The following SH3BGRL2 variants were observed in gnomAD, a reference collection of about 807,000 sequenced individuals.
SH3BGRL2 encodes SH3 domain-binding glutamic acid-rich-like protein 2.
A neutral mutation model predicts 14.8 loss-of-function variants in SH3BGRL2; 21 were observed. The ratio of observed to expected loss-of-function variants is 1.42; its 90% CI spans 1.01 to 2.05. SH3BGRL2 has a LOEUF of 2.05. SH3BGRL2 is among the 30% of genes most tolerant of loss of function. SH3BGRL2 has a pLI of 0.00. For synonymous variants in SH3BGRL2, 50 were observed against 47.8 expected (o/e 1.05, Z -0.19); for missense variants, 147 against 130.8 (o/e 1.12, Z -0.61).
the SH3BGRL2 span, among the ~76,000 whole-genome samples, chr6:79,609,872 C>A: frequency 6.6e-6 from 1 of 152,122 alleles, no homozygotes; most frequent in Non-Finnish European, 1.5e-5. Context: ...TTTAACTGAC[C>A]AAAGAAGGCA....
the SH3BGRL2 span, among the ~76,000 whole-genome samples, chr6:79,609,710 T>A: frequency 6.6e-6 from 1 of 152,336 alleles, no homozygotes; most frequent in South Asian, 2.1e-4. Context: ...AATACATAGC[T>A]ATATTCCCAT....
chr6:79,553,709 C>T, the SH3BGRL2 span, among the ~76,000 whole-genome samples: 2 of 152,180 alleles, frequency 1.3e-5, no homozygotes, highest in Admixed American at 6.5e-5. Flanking sequence ...TGGTGGCTCA[C>T]GCCTGTAATC....
intron 1 of SH3BGRL2, among the ~76,000 whole-genome samples, chr6:79,639,984 C>A (rs116396400): frequency 0.017 from 2,585 of 152,270 alleles, 69 homozygotes; most frequent in African/African-American, 0.059. Flanking sequence ...GGGGACTCTT[C>A]TACTTCAGGT....
chr6:79,675,512 G>A (rs928833303), intron 2 of SH3BGRL2, among the ~76,000 whole-genome samples: 1 of 151,994 alleles, frequency 6.6e-6, no homozygotes, highest in Non-Finnish European at 1.5e-5. Flanking sequence ...CTGATTACAT[G>A]TGTTCTTATA....
the SH3BGRL2 span, among the ~76,000 whole-genome samples, chr6:79,576,795 T>C: frequency 7.1e-4 from 108 of 152,292 alleles, 2 homozygotes; most frequent in East Asian, 0.014. Context: ...TCTAAGGCAT[T>C]CCCCACCCCA....
chr6:79,679,891 T>C lies in SH3BGRL2; in HGVS notation c.231+6092T>C, dbSNP rs148350724. On this transcript the variant is annotated intron_variant, in intron 2 of 3. Coordinates refer to ENST00000369838, the MANE Select transcript of SH3BGRL2 (RefSeq NM_031469.4). Reference sequence around the variant, plus strand: ...CATTTGTATATTATCTTGGAAGACGTATCTATTCAGGTTCTTTGCCCATTT... The same window carrying C: ...CATTTGTATATTATCTTGGAAGACGCATCTATTCAGGTTCTTTGCCCATTT... 7.9e-5 allele frequency among the ~76,000 whole-genome samples: 12 copies of C among 152,328 alleles called. No individual in the cohort carries two copies. In the East Asian group the frequency reaches 1.9e-3, roughly 24 times the overall value.
At chr6:79,605,361 G>GA in the SH3BGRL2 span, among the ~76,000 whole-genome samples, 1 of 151,886 alleles carries the variant, frequency 6.6e-6, no homozygotes, top group Non-Finnish European at 1.5e-5. Flanking sequence ...CAATTGTGAG[G>GA]AAAAAAAATT....
Position 79,699,900 on chromosome 6 carries a change from G to A in SH3BGRL2, c.*391G>A, listed in dbSNP as rs148566465. On this transcript the variant is annotated 3_prime_UTR_variant, in exon 4 of 4. Coordinates refer to ENST00000369838, the MANE Select transcript of SH3BGRL2 (RefSeq NM_031469.4). Reference sequence around the variant, plus strand: ...CACTTCTCTTTAAGCTGCCTGGATTGCACCTTTGAAATATGTCTGCCAAGT... The same window carrying A: ...CACTTCTCTTTAAGCTGCCTGGATTACACCTTTGAAATATGTCTGCCAAGT... The A allele has an allele frequency of 5.6e-4, 119 of 210,986 alleles. No individual in the cohort carries two copies. The highest frequency in any genetic ancestry group is 2.6e-3 in the African/African-American group (115 of 43,970). 13.1% of individuals were successfully genotyped at this position (210,986 alleles called of 1,614,324 possible). A position where few individuals can be genotyped will look rare whatever the true frequency, so the allele number is the denominator to read the frequency against.
intron 2 of SH3BGRL2, among the ~76,000 whole-genome samples, chr6:79,674,832 C>A (rs1456619805): frequency 6.6e-6 from 1 of 152,176 alleles, no homozygotes; most frequent in Non-Finnish European, 1.5e-5. Flanking sequence ...TCGGCTGGGA[C>A]ACCTTTGGAA....
the SH3BGRL2 span, chr6:79,553,050 C>G: frequency 6.6e-6 from 1 of 152,124 alleles, no homozygotes; most frequent in South Asian, 2.1e-4. Flanking sequence ...AGTCCATCTC[C>G]CAAAGAGTAT....
the SH3BGRL2 span, among the ~76,000 whole-genome samples, chr6:79,563,359 G>A: frequency 1.3e-5 from 2 of 151,728 alleles, no homozygotes; most frequent in African/African-American, 4.8e-5. Context: ...TAACCCCCCC[G>A]CCTCGGCCTC....
chr6:79,572,038 C>T, the SH3BGRL2 span, among the ~76,000 whole-genome samples: 1 of 152,172 alleles, frequency 6.6e-6, no homozygotes, highest in Non-Finnish European at 1.5e-5. Context: ...TTTGTCCATA[C>T]TAAGAAATTC....
At chr6:79,682,219 G>C (rs1770001808) in intron 2 of SH3BGRL2, among the ~76,000 whole-genome samples, 1 of 151,990 alleles carries the variant, frequency 6.6e-6, no homozygotes, top group Non-Finnish European at 1.5e-5. Flanking sequence ...ATGAGAATGG[G>C]AAAAAGGGGG....
the SH3BGRL2 span, among the ~76,000 whole-genome samples, chr6:79,551,383 C>G: frequency 6.6e-6 from 1 of 152,294 alleles, no homozygotes; most frequent in Admixed American, 6.5e-5. Flanking sequence ...GTCAAGACTT[C>G]ACTTCTTAAA....
chr6:79,631,083 A>G (rs749500264), upstream of SH3BGRL2, among the ~76,000 whole-genome samples: 1 of 152,176 alleles, frequency 6.6e-6, no homozygotes, highest in Non-Finnish European at 1.5e-5. Context: ...TCATCAAGCC[A>G]GGATCCTTGC....
At chr6:79,629,936 C>G (rs1185155691), upstream of SH3BGRL2, among the ~76,000 whole-genome samples, 1 of 152,076 alleles carries the variant, frequency 6.6e-6, no homozygotes, top group Non-Finnish European at 1.5e-5. Flanking sequence ...AAAATGCTGA[C>G]TTTTATAAAG....
At chr6:79,557,414 G>T in the SH3BGRL2 span, among the ~76,000 whole-genome samples, 1 of 151,744 alleles carries the variant, frequency 6.6e-6, no homozygotes, top group East Asian at 1.9e-4. Flanking sequence ...ATTAATTTGT[G>T]ACTATGAAGA....
the SH3BGRL2 span, among the ~76,000 whole-genome samples, chr6:79,550,950 C>A: frequency 1.3e-5 from 2 of 152,130 alleles, no homozygotes; most frequent in African/African-American, 4.8e-5. Context: ...TATTTTCTCA[C>A]AAAACCAGCG....
At chr6:79,551,314 T>G in the SH3BGRL2 span, among the ~76,000 whole-genome samples, 201 of 152,312 alleles carry the variant, frequency 1.3e-3, no homozygotes, top group Middle Eastern at 6.8e-3. Flanking sequence ...ATTGCAATAT[T>G]CAGGGAGCCA....
Sources: allele counts gnomAD v4.1 joint callset (sites outside exome capture counted in the v4.1 genomes callset), GRCh38; gene constraint gnomAD v4.1.1; transcripts MANE v1.5; gene names NCBI Gene and HGNC (gene_info 2026-07-23, HGNC 2026-07-21).